The following GIPC2 variants were observed in gnomAD, a reference collection of about 807,000 sequenced individuals.
GIPC2 encodes the protein PDZ domain-containing protein GIPC2.
A neutral mutation model predicts 30.6 loss-of-function variants in GIPC2; 30 were observed. The observed-to-expected ratio is 0.98, with a 90% CI of 0.73 to 1.33. The LOEUF (loss-of-function observed/expected upper bound fraction) is 1.33. GIPC2 is among the 40% of genes most tolerant of loss of function. The pLI is 0.00. For synonymous variants in GIPC2, 167 were observed against 150.0 expected (o/e 1.11, Z -0.83); for missense variants, 414 against 390.3 (o/e 1.06, Z -0.51).
At chr1:78,115,523 T>C (rs896040164) in intron 3 of GIPC2, among the ~76,000 whole-genome samples, 4 of 152,226 alleles carry the variant, frequency 2.6e-5, no homozygotes, top group Admixed American at 1.3e-4. Flanking sequence ...CTTACATTGC[T>C]AGGCAGTACG....
chr1:78,106,052 G>A (rs1174621707), intron 3 of GIPC2, among the ~76,000 whole-genome samples: 1 of 151,286 alleles, frequency 6.6e-6, no homozygotes, highest in Non-Finnish European at 1.5e-5. Context: ...TGGCTATTAT[G>A]GTGAAATCCC....
intron 1 of GIPC2, among the ~76,000 whole-genome samples, chr1:78,071,574 TTTC>T (rs1469283700): frequency 6.6e-6 from 1 of 151,380 alleles, no homozygotes; most frequent in Non-Finnish European, 1.5e-5. Context: ...CTTCTTCTTC[TTTC>T]TTCTTCTTTT....
At chr1:78,076,008 G>A (rs1279288286) in intron 1 of GIPC2, among the ~76,000 whole-genome samples, 1 of 152,198 alleles carries the variant, frequency 6.6e-6, no homozygotes, top group Non-Finnish European at 1.5e-5. Flanking sequence ...AGTCATTTTA[G>A]ACCTCATATA....
chr1:78,125,938 A>G lies in GIPC2; in HGVS notation c.772A>G (p.Met258Val), dbSNP rs745451458. 1.2e-5 allele frequency: 19 copies of G among 1,567,072 alleles called. No homozygotes were observed. The highest frequency in any genetic ancestry group is 1.4e-5 in the African/African-American group (1 of 74,024). ...GATTGATGATGTTCTTGAGTTGTACATGGGAATTCGAGATATTGATTTAGG... is the reference window on the plus strand; with the variant it reads ...GATTGATGATGTTCTTGAGTTGTACGTGGGAATTCGAGATATTGATTTAGG... ...EKIDDVLELY[M>V]GIRDIDLATT... Residue 258 changes from methionine to valine, a missense_variant, in exon 5 of 6, where the codon ATG becomes GTG. By Grantham distance (21) the Met-to-Val change is conservative. Coordinates refer to ENST00000370759, the MANE Select transcript of GIPC2 (RefSeq NM_017655.6).
At chr1:78,055,640 A>G (rs1265067686) in intron 1 of GIPC2, among the ~76,000 whole-genome samples, 1 of 151,546 alleles carries the variant, frequency 6.6e-6, no homozygotes, top group East Asian at 1.9e-4. Flanking sequence ...GTGTTTCTTT[A>G]CCTCTCTACT....
chr1:78,135,742 G>A lies in GIPC2; in HGVS notation c.947G>A (p.Ter316=). ...VIGDAKRRGL[*] is the part of the protein sequence containing the mutation. ...GGTGATGCCAAACGAAGAGGATTAT[G>A]ATGTGTACACTCCATCTCTGAAGAA... Residue 316 remains the stop codon, a stop_retained_variant, in exon 6 of 6, where the codon TGA becomes TAA. Transcript: ENST00000370759. 6.2e-7 allele frequency: 1 copy of A among 1,612,492 alleles called. No homozygotes were observed. The highest frequency in any genetic ancestry group is 8.5e-7 in the Non-Finnish European group (1 of 1,179,114).
intron 5 of GIPC2, among the ~76,000 whole-genome samples, chr1:78,129,725 A>C (rs978759879): frequency 6.6e-6 from 1 of 152,232 alleles, no homozygotes; most frequent in African/African-American, 2.4e-5. Flanking sequence ...GCTGAGTCCT[A>C]TAAGACCTCA....
intron 5 of GIPC2, 70 bp downstream of exon 5, chr1:78,126,032 T>C (rs1340799128): frequency 1.4e-6 from 1 of 697,470 alleles, no homozygotes; most frequent in African/African-American, 1.8e-5. Context: ...TGTTTATACA[T>C]ACAGCCAATT....
chr1:78,091,497 T>C (rs922401929), intron 2 of GIPC2: 3 of 711,338 alleles, frequency 4.2e-6, no homozygotes, highest in Non-Finnish European at 7.9e-6. Context: ...CCCGCTGCGC[T>C]AATGGCTCCC....
intron 5 of GIPC2, among the ~76,000 whole-genome samples, chr1:78,132,486 C>T (rs1027019328): frequency 1.3e-5 from 2 of 152,082 alleles, no homozygotes; most frequent in African/African-American, 4.8e-5. Context: ...CATCTTGAAG[C>T]AGCATTTTCT....
chr1:78,119,943 A>G (rs982129359), intron 4 of GIPC2, among the ~76,000 whole-genome samples: 14 of 152,188 alleles, frequency 9.2e-5, no homozygotes. Context: ...ATCTACCTCT[A>G]TAAGATACTG....
At chr1:78,088,143 C>G (rs545339685) in intron 2 of GIPC2, among the ~76,000 whole-genome samples, 1 of 152,278 alleles carries the variant, frequency 6.6e-6, no homozygotes, top group Admixed American at 6.5e-5. Context: ...AACCCTCATA[C>G]ACTGTTGGTG....
Position 78,125,867 on chromosome 1 carries a change from C to A in GIPC2, c.715-14C>A. On this transcript the variant is annotated splice_polypyrimidine_tract_variant and intron_variant, in intron 4 of 5. Transcript: ENST00000370759. ...TTGTTGTATAATATCTTATTTCTCT[C>A]TTTTTTGATAAAGCCTTCTGAAACC... The A allele has an allele frequency of 2.7e-6, 4 of 1,457,780 alleles. No homozygotes were observed. Among genetic ancestry groups the A allele is most frequent in the Non-Finnish European group, 3.9e-6 (4 of 1,038,696 alleles). 90.3% of individuals were successfully genotyped at this position (1,457,780 alleles called of 1,614,324 possible).
chr1:78,075,055 T>TA (rs1661692116), intron 1 of GIPC2, among the ~76,000 whole-genome samples: 1 of 152,214 alleles, frequency 6.6e-6, no homozygotes, highest in Admixed American at 6.5e-5. Flanking sequence ...CTCACGTAAC[T>TA]AAACATTCTG....
At chr1:78,098,354 A>G (rs980115529) in intron 3 of GIPC2, among the ~76,000 whole-genome samples, 5 of 152,180 alleles carry the variant, frequency 3.3e-5, no homozygotes, top group Non-Finnish European at 7.3e-5. Context: ...GAGGGGACCA[A>G]TTTTGACTAT....
At position 78,125,931 on chromosome 1, in the gene GIPC2, G is replaced by A. The variant is rs1178824813; in HGVS notation, c.765G>A (p.Glu255=). 6.3e-7 allele frequency: 1 copy of A among 1,581,134 alleles called. No individual in the cohort carries two copies. The change falls in exon 5 of 6, where the codon GAG becomes GAA. Residue 255 remains glutamate (E), a synonymous_variant. Transcript: ENST00000370759. The part of the protein sequence containing the change: ...KAIEKIDDVL[E]LYMGIRDIDL... ...TTGAAAAGATTGATGATGTTCTTGAGTTGTACATGGGAATTCGAGATATTG... is the reference window on the plus strand; with the variant it reads ...TTGAAAAGATTGATGATGTTCTTGAATTGTACATGGGAATTCGAGATATTG...
chr1:78,128,028 T>C (rs1475554518), intron 5 of GIPC2, among the ~76,000 whole-genome samples: 1 of 152,174 alleles, frequency 6.6e-6, no homozygotes, highest in African/African-American at 2.4e-5. Context: ...GTACTGGATA[T>C]AGAGATGCTG....
intron 3 of GIPC2, among the ~76,000 whole-genome samples, chr1:78,098,355 T>A (rs1662177455): frequency 6.6e-6 from 1 of 152,184 alleles, no homozygotes; most frequent in Non-Finnish European, 1.5e-5. Flanking sequence ...AGGGGACCAA[T>A]TTTGACTATA....
At chr1:78,075,381 G>A (rs746379871) in intron 1 of GIPC2, among the ~76,000 whole-genome samples, 3 of 152,134 alleles carry the variant, frequency 2.0e-5, no homozygotes, top group Non-Finnish European at 4.4e-5. Context: ...ACTTGAGCCT[G>A]GGGGGTTGAG....
Sources: gnomAD v4.1 joint callset for allele counts (sites outside exome capture counted in the v4.1 genomes callset) on GRCh38, gnomAD v4.1.1 for gene constraint, MANE v1.5 for transcripts, NCBI Gene and HGNC (gene_info 2026-07-23, HGNC 2026-07-21) for gene names.